The following LRP1B variants were observed in gnomAD, a reference collection of about 807,000 sequenced individuals.
LRP1B encodes the protein LDL receptor related protein 1B, also known as low-density lipoprotein receptor-related protein 1B.
A neutral mutation model predicts 556.6 loss-of-function variants in LRP1B; 217 were observed. The ratio of observed to expected loss-of-function variants is 0.39; its 90% confidence interval spans 0.35 to 0.44. The LOEUF is 0.44. LRP1B is among the 20% of genes least tolerant of loss of function. The pLI is 1.00. For synonymous variants in LRP1B, 2,047 were observed against 1,865.8 expected (o/e 1.10, Z -2.50); for missense variants, 5,053 against 5,620.8 (o/e 0.90, Z 3.23).
chr2:140,581,711 C>G (rs1003976840), intron 43 of LRP1B, among the ~76,000 whole-genome samples: 1 of 152,016 alleles, frequency 6.6e-6, no homozygotes, highest in Non-Finnish European at 1.5e-5. Context: ...GTATTGCCAA[C>G]CAAATGTTAG....
chr2:140,294,898 A>G (rs935791087), intron 84 of LRP1B, among the ~76,000 whole-genome samples: 1 of 152,096 alleles, frequency 6.6e-6, no homozygotes, highest in South Asian at 2.1e-4. Context: ...TTATTTATTG[A>G]GATGAGTCTT....
chr2:142,049,689 C>G (rs1399197336), intron 1 of LRP1B, among the ~76,000 whole-genome samples: 1 of 152,112 alleles, frequency 6.6e-6, no homozygotes, highest in African/African-American at 2.4e-5. Context: ...AAGAAGCTCT[C>G]TGCCTACCCA....
chr2:141,172,875 A>G (rs1680566635), intron 7 of LRP1B, among the ~76,000 whole-genome samples: 1 of 152,016 alleles, frequency 6.6e-6, no homozygotes, highest in South Asian at 2.1e-4. Flanking sequence ...CCAAAAAGTA[A>G]GAGGATCTAA....
intron 7 of LRP1B, among the ~76,000 whole-genome samples, chr2:141,182,576 G>C (rs573010389): frequency 1.9e-4 from 29 of 151,946 alleles, no homozygotes; most frequent in Admixed American, 7.2e-4. Context: ...CAGATACCTG[G>C]GAGAGAAGCT....
rs1273621565 is a variant in LRP1B, at chr2:141,824,658, AT to A, written c.83-14258del. 3.3e-5 allele frequency among the ~76,000 whole-genome samples: 5 copies of A among 152,206 alleles called. No homozygotes were observed. In the East Asian group the frequency reaches 7.7e-4, roughly 23 times the overall value. On this transcript the variant is annotated intron_variant, in intron 1 of 90. Coordinates refer to ENST00000389484, the MANE Select transcript of LRP1B (RefSeq NM_018557.3). ...GTGAGCCACCGCGTCCGGCATAAAC[AT>A]TGTTAATACTTACCTTGCATAAAGC...
chr2:140,457,383 T>C (rs1241434685), intron 61 of LRP1B, 80 bp downstream of exon 61: 1 of 1,126,210 alleles, frequency 8.9e-7, no homozygotes, highest in Non-Finnish European at 1.3e-6. Flanking sequence ...TAAAATTACA[T>C]TTAACCTTGA....
intron 41 of LRP1B, among the ~76,000 whole-genome samples, chr2:140,628,710 G>C (rs887976937): frequency 3.9e-5 from 6 of 152,058 alleles, no homozygotes; most frequent in African/African-American, 1.4e-4. Flanking sequence ...TGTATATTAT[G>C]GTTAGGATTT....
In LRP1B at chr2:141,280,836, G is replaced by A. The variant is rs543526736; in HGVS notation, c.344-26195C>T. The stretch of plus-strand genomic sequence containing the variant: ...AAAGAATCAGTGATTTTCATAGTAG[G>A]CATTATAAAGTAATTAGCTGATTAG... On this transcript the variant is annotated intron_variant, in intron 3 of 90. Coordinates refer to ENST00000389484, the MANE Select transcript of LRP1B (RefSeq NM_018557.3). Among the ~76,000 whole-genome samples, 3 of 151,848 alleles carry A rather than the reference G, an allele frequency of 2.0e-5. No individual in the cohort carries two copies. The East Asian group carries it at 5.8e-4, about 29-fold the overall frequency.
chr2:141,659,046 G>C (rs1431985032), intron 2 of LRP1B, among the ~76,000 whole-genome samples: 3 of 152,084 alleles, frequency 2.0e-5, no homozygotes, highest in Non-Finnish European at 2.9e-5. Flanking sequence ...TGGGACTATA[G>C]GCAGGCACCA....
In LRP1B at chr2:140,593,526, C is replaced by T. The variant is rs192714103; in HGVS notation, c.7194+5105G>A. ...TTTTTGCCTTAATAACTAAATTTCCCAAAAACATTCAGTTTCCTATCACTG... is the reference window on the plus strand; with the variant it reads ...TTTTTGCCTTAATAACTAAATTTCCTAAAAACATTCAGTTTCCTATCACTG... On this transcript the variant is annotated intron_variant, in intron 43 of 90. Coordinates refer to ENST00000389484, the MANE Select transcript of LRP1B (RefSeq NM_018557.3). Among the ~76,000 whole-genome samples, 342 of 152,148 alleles carry T rather than the reference C, an allele frequency of 2.2e-3. 1 individual carries two copies. Among genetic ancestry groups the T allele is most frequent in the Admixed American group, 3.9e-3 (59 of 15,290 alleles).
At chr2:140,702,667 A>C in intron 37 of LRP1B, 114 bp from the exon 38 acceptor site, 1 of 934,966 alleles carries the variant, frequency 1.1e-6, no homozygotes, top group Non-Finnish European at 1.6e-6. Flanking sequence ...AATAAAAATA[A>C]TACATTTCGG....
chr2:141,177,392 C>A (rs560255999), intron 7 of LRP1B, among the ~76,000 whole-genome samples: 1 of 152,204 alleles, frequency 6.6e-6, no homozygotes, highest in Admixed American at 6.6e-5. Context: ...ACTAAACCAT[C>A]TAACATTCCA....
In LRP1B at chr2:141,447,123, T is replaced by A. The variant is rs150432115; in HGVS notation, c.343+33273A>T. ...CTTTGTTTGTTCCTTTTCATTCTTT[T>A]TTCTCTAATCTTGTCTTCACACTTT... On this transcript the variant is annotated intron_variant, in intron 3 of 90. Transcript: ENST00000389484. 9.9e-3 allele frequency among the ~76,000 whole-genome samples: 1,505 copies of A among 152,110 alleles called. 25 individuals carry two copies. Among genetic ancestry groups the A allele is most frequent in the African/African-American group, 0.034 (1,423 of 41,502 alleles).
Position 141,596,651 on chromosome 2 carries a change from A to G in LRP1B, c.206-116118T>C, listed in dbSNP as rs371901660. ...TTTAAAAGACTTGCTAACAAATTTC[A>G]TCACTTGAAAAGGATTCTAACCCCT... On this transcript the variant is annotated intron_variant, in intron 2 of 90. Transcript: ENST00000389484. Among the ~76,000 whole-genome samples, 2 of 152,042 alleles carry G rather than the reference A, an allele frequency of 1.3e-5. 1 individual carries two copies. The highest frequency in any genetic ancestry group is 4.1e-4 in the South Asian group (2 of 4,836).
chr2:141,454,281 G>T (rs957487323), intron 3 of LRP1B, among the ~76,000 whole-genome samples: 3 of 152,094 alleles, frequency 2.0e-5, no homozygotes, highest in Non-Finnish European at 4.4e-5. Flanking sequence ...TCCCAATAAT[G>T]TTCTTTTTCA....
chr2:140,892,337 A>C (rs757751423), intron 23 of LRP1B, among the ~76,000 whole-genome samples: 2 of 152,168 alleles, frequency 1.3e-5, no homozygotes, highest in African/African-American at 2.4e-5. Context: ...GGAAATGTCT[A>C]AAGTTTAGAA....
intron 59 of LRP1B, among the ~76,000 whole-genome samples, chr2:140,483,597 G>GACACACACACAC (rs1226188096): frequency 1.4e-4 from 17 of 118,468 alleles, no homozygotes; most frequent in South Asian, 2.7e-4. Flanking sequence ...CATATATATA[G>GACACACACACAC]ACACACACAC....
chr2:141,768,575 C>A (rs1054026365), intron 2 of LRP1B, among the ~76,000 whole-genome samples: 2 of 152,086 alleles, frequency 1.3e-5, no homozygotes, highest in Non-Finnish European at 2.9e-5. Context: ...TACCATTTTG[C>A]ATCCACTGAA....
chr2:141,463,839 T>C (rs1682046438), intron 3 of LRP1B, among the ~76,000 whole-genome samples: 1 of 127,248 alleles, frequency 7.9e-6, no homozygotes. Context: ...TATAATTGGA[T>C]AATATTACAT....
Sources: gnomAD v4.1 joint callset for allele counts (sites outside exome capture counted in the v4.1 genomes callset) on GRCh38, gnomAD v4.1.1 for gene constraint, MANE v1.5 for transcripts, NCBI Gene and HGNC (gene_info 2026-07-23, HGNC 2026-07-21) for gene names.